ECD: variants seen among roughly 807,000 people sequenced by gnomAD.
ECD encodes ecdysoneless cell cycle regulator.
A neutral mutation model predicts 77.2 loss-of-function variants in ECD; 59 were observed. The observed-to-expected ratio is 0.76, with a 90% CI of 0.62 to 0.95. The LOEUF is 0.95. Among genes scored for constraint, ECD ranks in the 40% least tolerant of loss-of-function variants. ECD has a pLI of 0.00. For synonymous variants in ECD, 233 were observed against 267.4 expected, an observed-to-expected ratio of 0.87 and a Z score of 1.26; for missense variants, 704 against 763.4, an observed-to-expected ratio of 0.92 and a Z score of 0.92.
chr10:73,153,755 T>G (rs1212154196), intron 6 of ECD, among the ~76,000 whole-genome samples: 1 of 113,012 alleles, frequency 8.8e-6, no homozygotes, highest in African/African-American at 3.3e-5. Flanking sequence ...AAAAAGGAAA[T>G]AATTATAGAA....
intron 12 of ECD, 115 bp from the exon 13 acceptor site, chr10:73,137,033 A>G: frequency 2.0e-6 from 1 of 505,854 alleles, no homozygotes; most frequent in Non-Finnish European, 2.8e-6. Flanking sequence ...CCCACAGAAA[A>G]AGACTAATAC....
intron 1 of ECD, among the ~76,000 whole-genome samples, chr10:73,167,148 C>T (rs1176724118): frequency 1.3e-5 from 2 of 152,074 alleles, no homozygotes; most frequent in Non-Finnish European, 2.9e-5. Flanking sequence ...TTTCTGGGTT[C>T]TCTATTCTGT....
chr10:73,160,559 C>T lies in ECD; in HGVS notation c.206-8G>A. On this transcript the variant is annotated splice_region_variant and splice_polypyrimidine_tract_variant and intron_variant, in intron 2 of 13. Coordinates refer to ENST00000372979, the MANE Select transcript of ECD (RefSeq NM_007265.3). ...TATGAGCAGGAACACCTCCTAAAAA[C>T]AAGAGAAAAGCAACCATGTAACCAG... 1 of 1,584,526 alleles carries T rather than the reference C, an allele frequency of 6.3e-7. No individual in the cohort carries two copies. The highest frequency in any genetic ancestry group is 8.6e-7 in the Non-Finnish European group (1 of 1,168,962).
At chr10:73,156,221 C>G (rs757755904) in intron 5 of ECD, 54 bp downstream of exon 5, 280 of 1,485,292 alleles carry the variant, frequency 1.9e-4, no homozygotes, top group Non-Finnish European at 2.3e-4. Flanking sequence ...AAAGACTGAA[C>G]TACACGAAAC....
intron 3 of ECD, among the ~76,000 whole-genome samples, chr10:73,159,453 T>A (rs1378212446): frequency 6.6e-6 from 1 of 152,220 alleles, no homozygotes; most frequent in African/African-American, 2.4e-5. Context: ...ATTTTATTTT[T>A]CAAAGATCCA....
At chr10:73,158,872 T>C (rs11000535) in intron 3 of ECD, among the ~76,000 whole-genome samples, 3,869 of 152,094 alleles carry the variant, frequency 0.025, 159 homozygotes, top group African/African-American at 0.082. Flanking sequence ...ACCCCGTCTT[T>C]AAAAAACTAA....
intron 9 of ECD, among the ~76,000 whole-genome samples, chr10:73,142,987 A>G (rs1564661188): frequency 6.6e-6 from 1 of 151,988 alleles, no homozygotes; most frequent in East Asian, 1.9e-4. Flanking sequence ...CATAGCACTT[A>G]CCACCCCCTA....
At chr10:73,147,338 A>G (rs1843143788) in intron 8 of ECD, among the ~76,000 whole-genome samples, 1 of 152,228 alleles carries the variant, frequency 6.6e-6, no homozygotes, top group South Asian at 2.1e-4. Context: ...ACCTGAGGTC[A>G]GGAGTCCGAG....
At chr10:73,140,250 T>C (rs1207845569) in intron 9 of ECD, among the ~76,000 whole-genome samples, 1 of 151,170 alleles carries the variant, frequency 6.6e-6, no homozygotes, top group Non-Finnish European at 1.5e-5. Flanking sequence ...CCCAAAGTGC[T>C]GGGATTACAG....
At chr10:73,147,283 C>CA (rs1843142839) in intron 8 of ECD, among the ~76,000 whole-genome samples, 1 of 152,156 alleles carries the variant, frequency 6.6e-6, no homozygotes, top group African/African-American at 2.4e-5. Flanking sequence ...CACGGTGGCT[C>CA]ACGCCTGTAA....
chr10:73,152,224 T>C (rs1843219658), intron 7 of ECD, 69 bp downstream of exon 7: 3 of 1,544,092 alleles, frequency 1.9e-6, no homozygotes, highest in African/African-American at 2.7e-5. Context: ...CTTTGTATAT[T>C]GTGCCACTAT....
rs1486210119 is a variant in ECD, at chr10:73,134,158, T to C, written c.*425A>G. ...ACTGTACACTTAAGATTTGTGCACTTAACCATATGCATGTTATGCCTCATT... is the reference window on the plus strand; with the variant it reads ...ACTGTACACTTAAGATTTGTGCACTCAACCATATGCATGTTATGCCTCATT... On this transcript the variant is annotated 3_prime_UTR_variant, in exon 14 of 14. Coordinates refer to ENST00000372979, the MANE Select transcript of ECD (RefSeq NM_007265.3). 1.2e-5 allele frequency: 2 copies of C among 164,782 alleles called. No individual in the cohort carries two copies. Among genetic ancestry groups the C allele is most frequent in the African/African-American group, 4.8e-5 (2 of 41,606 alleles). 10.2% of individuals were successfully genotyped at this position (164,782 alleles called of 1,614,324 possible). A position where few individuals can be genotyped will look rare whatever the true frequency, so the allele number is the denominator to read the frequency against.
intron 7 of ECD, among the ~76,000 whole-genome samples, chr10:73,150,933 G>A (rs1258603815): frequency 1.3e-5 from 2 of 152,138 alleles, no homozygotes; most frequent in Non-Finnish European, 2.9e-5. Flanking sequence ...TGGTGGGACT[G>A]TAAACTAGTT....
At chr10:73,159,866 C>G (rs1843352302) in intron 3 of ECD, among the ~76,000 whole-genome samples, 2 of 151,212 alleles carry the variant, frequency 1.3e-5, no homozygotes, top group Non-Finnish European at 3.0e-5. Flanking sequence ...TCTCGAACTC[C>G]TGACCTCAAA....
intron 6 of ECD, 131 bp downstream of exon 6, chr10:73,154,125 T>G: frequency 1.0e-6 from 1 of 954,036 alleles, no homozygotes; most frequent in Non-Finnish European, 1.5e-6. Context: ...GAATATTTCC[T>G]TTTTTTTCTA....
intron 10 of ECD, 50 bp downstream of exon 10, chr10:73,139,581 T>G (rs1564659990): frequency 6.3e-7 from 1 of 1,586,200 alleles, no homozygotes; most frequent in African/African-American, 1.4e-5. Flanking sequence ...AGTAGAACAT[T>G]TTAATTTTTT....
chr10:73,164,489 T>A (rs1181172476), intron 1 of ECD, among the ~76,000 whole-genome samples: 4 of 152,158 alleles, frequency 2.6e-5, no homozygotes, highest in Non-Finnish European at 5.9e-5. Flanking sequence ...TTATTTGAGA[T>A]GGAGTTTCAC....
intron 7 of ECD, 88 bp from the exon 8 acceptor site, chr10:73,148,492 A>T: frequency 7.1e-7 from 1 of 1,414,700 alleles, no homozygotes; most frequent in Non-Finnish European, 9.5e-7. Flanking sequence ...ATTGAGCCAC[A>T]CTCTAGAACT....
rs746259542 is a variant in ECD at position 73,139,320 on chromosome 10, T to C, written c.1410A>G (p.Ala470=). ...TTAACACAAATTACCGAGGCAGCTC[T>C]GCTCCCTTGTGGGTTGAGACTTTGG... is the stretch of plus-strand genomic sequence containing the variant. ...FISKVSTHKG[A]ELPREPSEAP... Residue 470 remains alanine, a synonymous_variant, in exon 11 of 14, where the codon GCA becomes GCG. Coordinates refer to ENST00000372979, the MANE Select transcript of ECD (RefSeq NM_007265.3). The C allele has an allele frequency of 4.9e-5, 79 of 1,612,056 alleles. No individual in the cohort carries two copies. Among genetic ancestry groups the C allele is most frequent in the Non-Finnish European group, 6.0e-5 (71 of 1,179,548 alleles).
Sources: allele counts gnomAD v4.1 joint callset (sites outside exome capture counted in the v4.1 genomes callset), GRCh38; gene constraint gnomAD v4.1.1; transcripts MANE v1.5; gene names NCBI Gene and HGNC (gene_info 2026-07-23, HGNC 2026-07-21).